KRT4: variants seen among roughly 807,000 people sequenced by gnomAD.
KRT4 encodes keratin 4.
In KRT4, 47 loss-of-function variants were observed where a neutral mutation model predicts 50.6. That is an observed-to-expected ratio of 0.93 (90% CI 0.73 to 1.18). The LOEUF (loss-of-function observed/expected upper bound fraction) is 1.18, where lower values mean the gene tolerates loss of function less well. Among genes scored for constraint, KRT4 ranks in the 50% most tolerant of loss-of-function variants. The pLI, the probability that KRT4 is intolerant of heterozygous loss-of-function variation, is 0.00. For synonymous variants in KRT4, 254 were observed against 251.2 expected (o/e 1.01, Z -0.10); for missense variants, 651 against 645.7 (o/e 1.01, Z -0.09).
rs1162286356 is a variant in KRT4, at chr12:52,808,457, G to C, written c.1000-38C>G. 2.5e-6 allele frequency: 4 copies of C among 1,612,122 alleles called. No individual in the cohort carries two copies. In the South Asian group the frequency reaches 4.4e-5, roughly 18 times the overall value. On this transcript the variant is annotated intron_variant, in intron 5 of 8. Coordinates refer to ENST00000551956, the MANE Select transcript of KRT4 (RefSeq NM_002272.4). ...AAGACACAGAGAACCAGGTGTTAGG[G>C]GCATTTGGGTAGGGTCCATTCTCAA...
At chr12:52,807,900 G>A (rs763391003) in intron 6 of KRT4, 36 bp from the exon 7 acceptor site, 4 of 1,586,408 alleles carry the variant, frequency 2.5e-6, no homozygotes, top group Non-Finnish European at 3.4e-6. Flanking sequence ...GGTCAGCAGT[G>A]CCCTGCCTTC....
Position 52,813,871 on chromosome 12 carries a change from A to T in KRT4, c.188T>A (p.Met63Lys). The T allele has an allele frequency of 9.3e-7, 1 of 1,069,570 alleles. No homozygotes were observed. The highest frequency in any genetic ancestry group is 1.1e-6 in the Non-Finnish European group (1 of 884,538). The allele number at this position is 1,069,570 out of a possible 1,614,324, so 66.3% of individuals were successfully genotyped here. The change falls in exon 1 of 9, where the codon ATG becomes AAG. Residue 63 changes from methionine (M) to lysine (K), a missense_variant. Coordinates refer to ENST00000551956, the MANE Select transcript of KRT4 (RefSeq NM_002272.4). ...YNLRGNKSISMSVAGSRQGAC... is the reference protein window; with the variant it reads ...YNLRGNKSISKSVAGSRQGAC... ...ACCTTGTCGTGACCCAGCCACACTC[A>T]TGGAGATGCTTTTGTTCCCCCTGAG...
At chr12:52,807,446 A>G (rs1001949424) in intron 7 of KRT4, 53 bp from the exon 8 acceptor site, 4 of 1,603,256 alleles carry the variant, frequency 2.5e-6, no homozygotes, top group Non-Finnish European at 3.4e-6. Context: ...ATTTTGTTCA[A>G]TAAGCATGCC....
In KRT4 at chr12:52,808,679, C is replaced by G. The variant is rs1460285518; in HGVS notation, c.999+7G>C. The G allele has an allele frequency of 6.2e-7, 1 of 1,614,044 alleles. No individual in the cohort carries two copies. Among genetic ancestry groups the G allele is most frequent in the Non-Finnish European group, 8.5e-7 (1 of 1,179,990 alleles). On this transcript the variant is annotated splice_region_variant and intron_variant, in intron 5 of 8. Coordinates refer to ENST00000551956, the MANE Select transcript of KRT4 (RefSeq NM_002272.4). Reference sequence around the variant, plus strand: ...GCCCCATCTCCTGAGAGATCCATACCACCCACCTTGGTCTGGTACAGGGCT... The same window carrying G: ...GCCCCATCTCCTGAGAGATCCATACGACCCACCTTGGTCTGGTACAGGGCT...
intron 1 of KRT4, among the ~76,000 whole-genome samples, chr12:52,812,949 T>A (rs1197875876): frequency 6.6e-6 from 1 of 152,196 alleles, no homozygotes; most frequent in Non-Finnish European, 1.5e-5. Flanking sequence ...TCTCTGGGGC[T>A]GCACTGCTCA....
chr12:52,813,043 A>C (rs912946004), intron 1 of KRT4, among the ~76,000 whole-genome samples: 1 of 152,196 alleles, frequency 6.6e-6, no homozygotes, highest in Non-Finnish European at 1.5e-5. Context: ...TTGGGCTACA[A>C]AAAGAAAAGA....
At position 52,807,212 on chromosome 12, in the gene KRT4, C is replaced by A; in HGVS notation, c.1420G>T (p.Gly474Ter). The A allele has an allele frequency of 6.2e-7, 1 of 1,614,178 alleles. No homozygotes were observed. The highest frequency in any genetic ancestry group is 8.5e-7 in the Non-Finnish European group (1 of 1,180,038). ...SGSTSTGGIS[G>*]GLGSGSGFGL... ...AACCCGGAGCCACTTCCTAATCCTC[C>A]GCTGATGCCTCCAGTGCTGGTGCTA... Residue 474 changes from glycine (G) to a stop codon, truncating the protein, a stop_gained, in exon 9 of 9, where the codon GGA becomes TGA. Coordinates refer to ENST00000551956, the MANE Select transcript of KRT4 (RefSeq NM_002272.4). LOFTEE classifies it low-confidence loss of function (END_TRUNC).
At chr12:52,807,498 G>C (rs1417517720) in intron 7 of KRT4, 105 bp from the exon 8 acceptor site, 36 of 1,509,240 alleles carry the variant, frequency 2.4e-5, no homozygotes, top group Non-Finnish European at 3.2e-5. Flanking sequence ...TGAGTTTGAG[G>C]GCCCAGTGTG....
At position 52,813,739 on chromosome 12, in the gene KRT4, C is replaced by T. The variant is rs904956619; in HGVS notation, c.320G>A (p.Gly107Glu). Residue 107 changes from glycine (G) to glutamate (E), a missense_variant, in exon 1 of 9, where the codon GGG (glycine) becomes GAG (glutamate). Coordinates refer to ENST00000551956, the MANE Select transcript of KRT4 (RefSeq NM_002272.4). ...GTTGATGGTGACCTCCTGAATTCCC[C>T]CAGCGGGGCAGACGGGGAAGCCAGG... ...GGPGFPVCPA[G>E]GIQEVTINQS... is the part of the protein sequence containing the mutation. 23 of 1,056,814 alleles carry T rather than the reference C, an allele frequency of 2.2e-5. No homozygotes were observed. The highest frequency in any genetic ancestry group is 2.5e-5 in the Non-Finnish European group (22 of 874,524). The allele number at this position is 1,056,814 out of a possible 1,614,324, so 65.5% of individuals were successfully genotyped here. A position where few individuals can be genotyped will look rare whatever the true frequency, so the allele number is the denominator to read the frequency against.
Position 52,807,308 on chromosome 12 carries a change from T to C in KRT4, c.1381+51A>G, listed in dbSNP as rs887050471. ...CAATGCTGCCAGCACCCCAGGGGTC[T>C]GGCAAGACCCGGGTGAATGAACAAC... On this transcript the variant is annotated intron_variant, in intron 8 of 8. Coordinates refer to ENST00000551956, the MANE Select transcript of KRT4 (RefSeq NM_002272.4). 4.3e-6 allele frequency: 7 copies of C among 1,613,956 alleles called. No homozygotes were observed. In the Admixed American group the frequency reaches 1.0e-4, roughly 23 times the overall value.
chr12:52,807,540 T>A (rs1939821292), intron 7 of KRT4, 104 bp downstream of exon 7: 3 of 1,500,282 alleles, frequency 2.0e-6, no homozygotes, highest in Admixed American at 3.4e-5. Context: ...TGGTTCGTAA[T>A]GCACCGGCAC....
chr12:52,812,153 C>T (rs1210013937), intron 1 of KRT4, among the ~76,000 whole-genome samples, 176 bp from the exon 2 acceptor site: 1 of 152,148 alleles, frequency 6.6e-6, no homozygotes, highest in Non-Finnish European at 1.5e-5. Context: ...ATGATGGCCC[C>T]ATTCTCGAGC....
At chr12:52,807,928 C>T (rs1053639922) in intron 6 of KRT4, 64 bp from the exon 7 acceptor site, 4 of 1,407,530 alleles carry the variant, frequency 2.8e-6, no homozygotes, top group African/African-American at 2.8e-5. Flanking sequence ...CTACACCTGT[C>T]CCCTCCCCTG....
chr12:52,807,102 G>A lies in KRT4; in HGVS notation c.1530C>T (p.Ile510=). Residue 510 remains isoleucine, a synonymous_variant, in exon 9 of 9, where the codon ATC becomes ATT. Transcript: ENST00000551956. ...GSVSGSSSSK[I]ISTTTLNKRR is the part of the protein sequence containing the mutation. ...TCTTGTTCAGGGTGGTGGTAGAGAT[G>A]ATCTTGCTGCTGGAACTGCCAGAGA... 2 of 1,614,138 alleles carry A rather than the reference G, an allele frequency of 1.2e-6. No homozygotes were observed. Among genetic ancestry groups the A allele is most frequent in the Non-Finnish European group, 1.7e-6 (2 of 1,180,014 alleles).
intron 6 of KRT4, 21 bp from the exon 7 acceptor site, chr12:52,807,885 T>C: frequency 6.2e-7 from 1 of 1,609,086 alleles, no homozygotes; most frequent in Non-Finnish European, 8.5e-7. Flanking sequence ...AGGCATTAGA[T>C]AGGTGGTCAG....
intron 3 of KRT4, among the ~76,000 whole-genome samples, chr12:52,809,707 G>GA (rs1939874450): frequency 1.3e-5 from 2 of 152,148 alleles, no homozygotes; most frequent in Non-Finnish European, 2.9e-5. Flanking sequence ...ATCTCTCAAA[G>GA]AACTAAAAAT....
intron 1 of KRT4, among the ~76,000 whole-genome samples, chr12:52,812,896 G>A (rs1939937156): frequency 6.6e-6 from 1 of 152,198 alleles, no homozygotes; most frequent in Non-Finnish European, 1.5e-5. Context: ...GGACCAAAGG[G>A]AGGCACTCAT....
chr12:52,808,859 C>G lies in KRT4; in HGVS notation c.835-9G>C, dbSNP rs1256998963. 6.2e-7 allele frequency: 1 copy of G among 1,613,924 alleles called. No homozygotes were observed. ...TGCATCTGGGACAGCTCCTGCAGGG[C>G]AAATGTCTCACATCAGCCCCCCCAG... is the stretch of plus-strand genomic sequence containing the variant. On this transcript the variant is annotated splice_polypyrimidine_tract_variant and intron_variant, in intron 4 of 8. Transcript: ENST00000551956.
chr12:52,807,900 G>C lies in KRT4; in HGVS notation c.1126-36C>G, dbSNP rs763391003. 5.7e-6 allele frequency: 9 copies of C among 1,586,408 alleles called. No homozygotes were observed. The African/African-American group carries it at 1.2e-4, about 21-fold the overall frequency. ...AGGCATTAGATAGGTGGTCAGCAGT[G>C]CCCTGCCTTCAAGGCCTCTACACCT... is the stretch of plus-strand genomic sequence containing the variant. On this transcript the variant is annotated intron_variant, in intron 6 of 8. Transcript: ENST00000551956.
Sources: allele counts gnomAD v4.1 joint callset (sites outside exome capture counted in the v4.1 genomes callset), GRCh38; gene constraint gnomAD v4.1.1; transcripts MANE v1.5; gene names NCBI Gene and HGNC (gene_info 2026-07-23, HGNC 2026-07-21).